The following PTPRD variants were observed in gnomAD, a reference collection of about 807,000 sequenced individuals.
PTPRD encodes the protein receptor-type tyrosine-protein phosphatase delta.
PTPRD carries 34 observed loss-of-function variants against 214.5 expected under a neutral mutation model. That is an observed-to-expected ratio of 0.16 (90% CI 0.12 to 0.21). The LOEUF (loss-of-function observed/expected upper bound fraction) is 0.21. Ranked by LOEUF, PTPRD falls within the 10% of genes least tolerant of loss-of-function variation. The probability of loss-of-function intolerance (pLI) is 1.00; values close to 1 mark genes in which losing one functional copy is unlikely to be tolerated. For synonymous variants in PTPRD, 1,128 were observed against 845.7 expected, an observed-to-expected ratio of 1.33 and a Z score of -5.79; for missense variants, 2,545 against 2,398.7, an observed-to-expected ratio of 1.06 and a Z score of -1.27.
intron 8 of PTPRD, among the ~76,000 whole-genome samples, chr9:9,506,103 T>C (rs1267464399): frequency 6.6e-6 from 1 of 151,506 alleles, no homozygotes; most frequent in African/African-American, 2.4e-5. Context: ...AAAACCAGGC[T>C]AAAAATATTC....
intron 9 of PTPRD, among the ~76,000 whole-genome samples, chr9:9,205,429 T>C (rs1165403528): frequency 6.6e-6 from 1 of 152,162 alleles, no homozygotes; most frequent in Non-Finnish European, 1.5e-5. Flanking sequence ...CACATGGTAA[T>C]GCGTTGCTTA....
chr9:10,488,086 G>A (rs547964497), intron 2 of PTPRD, among the ~76,000 whole-genome samples: 7 of 151,640 alleles, frequency 4.6e-5, no homozygotes, highest in East Asian at 2.0e-4. Flanking sequence ...GTGCCAGGTC[G>A]GCTGGGCATG....
intron 7 of PTPRD, among the ~76,000 whole-genome samples, chr9:9,706,717 G>T (rs997871110): frequency 6.6e-6 from 1 of 152,036 alleles, no homozygotes; most frequent in Non-Finnish European, 1.5e-5. Flanking sequence ...TAGCATTGCA[G>T]GCATGAGCCA....
intron 14 of PTPRD, among the ~76,000 whole-genome samples, chr9:8,532,983 G>A (rs536085757): frequency 1.3e-5 from 2 of 152,086 alleles, no homozygotes; most frequent in South Asian, 4.1e-4. Context: ...GACCTACCCA[G>A]GACTTGAAAG....
intron 3 of PTPRD, among the ~76,000 whole-genome samples, chr9:10,124,428 C>A (rs961264333): frequency 6.6e-6 from 1 of 152,116 alleles, no homozygotes; most frequent in Non-Finnish European, 1.5e-5. Context: ...ACACACCATG[C>A]GTATTCACCC....
chr9:8,449,914 G>T, intron 33 of PTPRD, 77 bp from the exon 34 acceptor site: 3 of 1,382,902 alleles, frequency 2.2e-6, no homozygotes, highest in African/African-American at 1.4e-5. Flanking sequence ...AATTGCACCT[G>T]CACTCCCCCC....
At chr9:9,905,332 A>C (rs1230698366) in intron 5 of PTPRD, among the ~76,000 whole-genome samples, 1 of 151,940 alleles carries the variant, frequency 6.6e-6, no homozygotes, top group African/African-American at 2.4e-5. Context: ...AGTTTTAAAT[A>C]ATTAGCTCAA....
chr9:8,926,420 G>C (rs1314334044), intron 11 of PTPRD, among the ~76,000 whole-genome samples: 1 of 152,108 alleles, frequency 6.6e-6, no homozygotes, highest in African/African-American at 2.4e-5. Context: ...TAGCATTTTA[G>C]TAAATTTTAT....
intron 8 of PTPRD, among the ~76,000 whole-genome samples, chr9:9,538,216 G>A (rs1450338908): frequency 6.6e-6 from 1 of 151,806 alleles, no homozygotes; most frequent in African/African-American, 2.4e-5. Flanking sequence ...TGAAAGAATA[G>A]ACTTTCTTAC....
At chr9:10,453,977 G>C (rs1036840186) in intron 2 of PTPRD, among the ~76,000 whole-genome samples, 1 of 151,422 alleles carries the variant, frequency 6.6e-6, no homozygotes. Context: ...CCAAACAATA[G>C]GCTGGTATTT....
chr9:9,541,598 T>G (rs2077598762), intron 8 of PTPRD, among the ~76,000 whole-genome samples: 1 of 151,852 alleles, frequency 6.6e-6, no homozygotes, highest in South Asian at 2.1e-4. Context: ...TAATTATACA[T>G]ATGACATGCA....
chr9:10,126,175 C>T (rs1330978257), intron 3 of PTPRD, among the ~76,000 whole-genome samples: 8 of 152,094 alleles, frequency 5.3e-5, no homozygotes, highest in African/African-American at 1.9e-4. Flanking sequence ...GGCATATACT[C>T]ATACTGTTAT....
intron 3 of PTPRD, among the ~76,000 whole-genome samples, chr9:10,121,743 T>C (rs1319383842): frequency 6.6e-6 from 1 of 152,182 alleles, no homozygotes; most frequent in Non-Finnish European, 1.5e-5. Flanking sequence ...AACTTAAATA[T>C]TGAGTCTCTC....
At chr9:10,438,966 G>C (rs888688887) in intron 2 of PTPRD, among the ~76,000 whole-genome samples, 1 of 151,660 alleles carries the variant, frequency 6.6e-6, no homozygotes, top group Non-Finnish European at 1.5e-5. Flanking sequence ...GTGTATCCAC[G>C]CTTTTTGTTG....
At chr9:8,918,140 A>G (rs2098799811) in intron 11 of PTPRD, among the ~76,000 whole-genome samples, 1 of 152,170 alleles carries the variant, frequency 6.6e-6, no homozygotes, top group Non-Finnish European at 1.5e-5. Context: ...AGCCCTATGC[A>G]CTGAGAAAGG....
chr9:9,696,595 C>G (rs1479037201), intron 7 of PTPRD, among the ~76,000 whole-genome samples: 2 of 152,010 alleles, frequency 1.3e-5, no homozygotes. Flanking sequence ...ACTTAAAAGT[C>G]TATGTTATCT....
chr9:8,721,683 T>C (rs1233203394), intron 12 of PTPRD, among the ~76,000 whole-genome samples: 2 of 152,212 alleles, frequency 1.3e-5, no homozygotes, highest in Non-Finnish European at 2.9e-5. Context: ...AGCAATCCTA[T>C]AATTATCATC....
At chr9:10,278,467 C>T (rs1044138511) in intron 3 of PTPRD, among the ~76,000 whole-genome samples, 1 of 152,136 alleles carries the variant, frequency 6.6e-6, no homozygotes, top group Admixed American at 6.5e-5. Context: ...CAAAATCAGA[C>T]AACTTCTGGC....
Position 8,929,102 on chromosome 9 carries a change from G to A in PTPRD, c.-104+89595C>T, listed in dbSNP as rs936284548. 1.2e-4 allele frequency among the ~76,000 whole-genome samples: 18 copies of A among 152,206 alleles called. 2 individuals are homozygous for A. The highest frequency in any genetic ancestry group is 9.2e-4 in the Admixed American group (14 of 15,290). On this transcript the variant is annotated intron_variant, in intron 11 of 45. Transcript: ENST00000381196. ...AGAAATTTTGGGCTGAGACGATGGG[G>A]TTTTCTAAATATACAATCATGTCAT...
Sources: gnomAD v4.1 joint callset for allele counts (sites outside exome capture counted in the v4.1 genomes callset) on GRCh38, gnomAD v4.1.1 for gene constraint, MANE v1.5 for transcripts, NCBI Gene and HGNC (gene_info 2026-07-23, HGNC 2026-07-21) for gene names.